The following PRKAG2 variants were observed in gnomAD, a reference collection of about 807,000 sequenced individuals.
PRKAG2 encodes the protein protein kinase AMP-activated non-catalytic subunit gamma 2.
PRKAG2 carries 26 observed loss-of-function variants against 69.6 expected under a neutral mutation model. That is an observed-to-expected ratio of 0.37 (90% CI 0.27 to 0.52). PRKAG2 has a LOEUF of 0.52. Among genes scored for constraint, PRKAG2 ranks in the 20% least tolerant of loss-of-function variants. The pLI, the probability that PRKAG2 is intolerant of heterozygous loss-of-function variation, is 0.90. For synonymous variants in PRKAG2, 293 were observed against 285.0 expected, an observed-to-expected ratio of 1.03 and a Z score of -0.28; for missense variants, 557 against 740.0, an observed-to-expected ratio of 0.75 and a Z score of 2.87.
intron 1 of PRKAG2, among the ~76,000 whole-genome samples, chr7:151,874,043 T>C (rs1297961145): frequency 1.4e-5 from 2 of 140,196 alleles, no homozygotes; most frequent in African/African-American, 2.7e-5. Flanking sequence ...GTATATGATG[T>C]ATATGTATGT....
intron 3 of PRKAG2, among the ~76,000 whole-genome samples, chr7:151,743,943 C>T (rs1278612808): frequency 1.3e-5 from 2 of 152,166 alleles, no homozygotes; most frequent in East Asian, 1.9e-4. Flanking sequence ...GTGTGCCAGC[C>T]CCCCCACATC....
chr7:151,626,602 T>C (rs927219169), intron 5 of PRKAG2, among the ~76,000 whole-genome samples: 1 of 152,096 alleles, frequency 6.6e-6, no homozygotes, highest in Non-Finnish European at 1.5e-5. Context: ...ACCTGCCACT[T>C]TGATATCTCC....
intron 1 of PRKAG2, among the ~76,000 whole-genome samples, chr7:151,816,294 C>T (rs1025008723): frequency 6.6e-6 from 1 of 152,202 alleles, no homozygotes. Context: ...TCTGCACTTG[C>T]CTACCTGAGC....
In PRKAG2 at chr7:151,608,560, G is replaced by A. The variant is rs957800799; in HGVS notation, c.755-13106C>T. Among the ~76,000 whole-genome samples, 4 of 152,250 alleles carry A rather than the reference G, an allele frequency of 2.6e-5. No individual in the cohort carries two copies. In the South Asian group the frequency reaches 6.2e-4, roughly 24 times the overall value. ...GGTTCATTGTAGATATCAGGCATGA[G>A]TTAATGCCTGGTATCTTGCAAGTCA... On this transcript the variant is annotated intron_variant, in intron 5 of 15. Coordinates refer to ENST00000287878, the MANE Select transcript of PRKAG2 (RefSeq NM_016203.4).
chr7:151,595,449 C>T lies in PRKAG2; in HGVS notation c.760G>A (p.Glu254Lys), dbSNP rs1814250233. Residue 254 changes from glutamate to lysine, a missense_variant, in exon 6 of 16, where the codon GAA (glutamate) becomes AAA (lysine). Glu to Lys is a moderately conservative substitution (Grantham distance 56, BLOSUM62 1). This residue lies in a region of PRKAG2 where 352 missense variants were observed against 356.7 expected (regional missense o/e 0.99). Coordinates refer to ENST00000287878, the MANE Select transcript of PRKAG2 (RefSeq NM_016203.4). ...EKLEFEDEAVEDSESGVYMRF... is the reference protein window; with the variant it reads ...EKLEFEDEAVKDSESGVYMRF... ...ATGTAAACACCACTTTCTGAGTCTT[C>T]TACTGCTAAAAGAAAAAAAGGCAAA... 4 of 1,612,578 alleles carry T rather than the reference C, an allele frequency of 2.5e-6. No homozygotes were observed. The East Asian group carries it at 6.7e-5, about 27-fold the overall frequency.
At chr7:151,663,748 A>C (rs534357360) in intron 4 of PRKAG2, among the ~76,000 whole-genome samples, 1 of 152,240 alleles carries the variant, frequency 6.6e-6, no homozygotes, top group African/African-American at 2.4e-5. Flanking sequence ...AATGCACTCC[A>C]CGTCTTTAGT....
chr7:151,650,132 G>A (rs886637236), intron 4 of PRKAG2, among the ~76,000 whole-genome samples: 2 of 152,100 alleles, frequency 1.3e-5, no homozygotes, highest in Non-Finnish European at 2.9e-5. Flanking sequence ...GAGGCGGGAG[G>A]ATTGCCTGGG....
At chr7:151,830,225 G>T (rs1472358032) in intron 1 of PRKAG2, among the ~76,000 whole-genome samples, 1 of 151,434 alleles carries the variant, frequency 6.6e-6, no homozygotes, top group African/African-American at 2.4e-5. Flanking sequence ...TCTGTGCCTG[G>T]CCCAGGCCGA....
chr7:151,706,379 G>A (rs185882025), intron 3 of PRKAG2, among the ~76,000 whole-genome samples: 41 of 152,244 alleles, frequency 2.7e-4, no homozygotes, highest in African/African-American at 7.9e-4. Flanking sequence ...CTCCTGCCTC[G>A]CCCTGCCTTT....
chr7:151,853,318 T>C (rs2079623428), intron 1 of PRKAG2, among the ~76,000 whole-genome samples: 1 of 152,108 alleles, frequency 6.6e-6, no homozygotes, highest in Admixed American at 6.5e-5. Flanking sequence ...AAAGTCAAAA[T>C]GACAGGTTTG....
At position 151,575,027 on chromosome 7, in the gene PRKAG2, A is replaced by C. The variant is rs574943108; in HGVS notation, c.947-78T>G. 6 of 1,577,018 alleles carry C rather than the reference A, an allele frequency of 3.8e-6. No homozygotes were observed. The East Asian group carries it at 9.0e-5, about 24-fold the overall frequency. The stretch of plus-strand genomic sequence containing the variant: ...ATTTCAAATGACAAGTGAGCCTAGA[A>C]TATATGCTAGAAGAGCTTATAAAAT... On this transcript the variant is annotated intron_variant, in intron 7 of 15. Coordinates refer to ENST00000287878, the MANE Select transcript of PRKAG2 (RefSeq NM_016203.4).
In PRKAG2 at chr7:151,771,391, G is replaced by A. The variant is rs1234997360; in HGVS notation, c.466+9761C>T. On this transcript the variant is annotated intron_variant, in intron 3 of 15. Transcript: ENST00000287878. This position sits in a 1 kb window ranked among gnomAD's most constrained non-coding sequence, Gnocchi z 4.0. ...ATTGGAGTGAGGCTGGTGGTGGAAT[G>A]GGAGGTGGGTGCTTAGGGATTATTC... 6.6e-6 allele frequency among the ~76,000 whole-genome samples: 1 copy of A among 152,188 alleles called. No homozygotes were observed. Among genetic ancestry groups the A allele is most frequent in the Non-Finnish European group, 1.5e-5 (1 of 68,034 alleles).
At chr7:151,730,703 G>T (rs1354705873) in intron 3 of PRKAG2, among the ~76,000 whole-genome samples, 1 of 152,104 alleles carries the variant, frequency 6.6e-6, no homozygotes, top group Non-Finnish European at 1.5e-5. Context: ...CCACAGGCTT[G>T]ACTTCTCAGC....
chr7:151,688,756 G>A (rs1835162619), intron 3 of PRKAG2, among the ~76,000 whole-genome samples: 1 of 152,168 alleles, frequency 6.6e-6, no homozygotes, highest in South Asian at 2.1e-4. Context: ...TGAATCTCAG[G>A]ACACTTGGAT....
At chr7:151,634,887 GAC>G (rs1825451923) in intron 4 of PRKAG2, among the ~76,000 whole-genome samples, 3 of 150,196 alleles carry the variant, frequency 2.0e-5, no homozygotes, top group African/African-American at 7.3e-5. Flanking sequence ...GATGTAGAGA[GAC>G]AGACAGGATT....
At chr7:151,805,789 G>A (rs1352808961) in intron 1 of PRKAG2, among the ~76,000 whole-genome samples, 1 of 152,208 alleles carries the variant, frequency 6.6e-6, no homozygotes, top group East Asian at 1.9e-4. Flanking sequence ...GCTTTGATGA[G>A]AGGAAAGAGG....
chr7:151,865,510 GA>G (rs2080041443), intron 1 of PRKAG2, among the ~76,000 whole-genome samples: 2 of 152,218 alleles, frequency 1.3e-5, no homozygotes, highest in African/African-American at 4.8e-5. Flanking sequence ...TGAGGGGAGA[GA>G]GGGGCCCATG....
chr7:151,627,325 G>A (rs1449326342), intron 5 of PRKAG2, among the ~76,000 whole-genome samples: 1 of 152,064 alleles, frequency 6.6e-6, no homozygotes, highest in Non-Finnish European at 1.5e-5. Context: ...GACCAGTTTT[G>A]CTAGAAACAA....
At chr7:151,558,786 C>G (rs557579502) in intron 15 of PRKAG2, 1 of 985,248 alleles carries the variant, frequency 1.0e-6, no homozygotes, top group South Asian at 4.7e-5. Context: ...CTCTCTGCAC[C>G]AGCAGTGATG....
Sources: allele counts gnomAD v4.1 joint callset (sites outside exome capture counted in the v4.1 genomes callset), GRCh38; gene constraint gnomAD v4.1.1; regional missense constraint gnomAD v4.1.1; non-coding constraint Gnocchi (gnomAD v3.1); transcripts MANE v1.5; gene names NCBI Gene and HGNC (gene_info 2026-07-23, HGNC 2026-07-21).